The following RSU1 variants were observed in gnomAD, a reference collection of about 807,000 sequenced individuals.
The protein encoded by RSU1 is rsu-1.
RSU1 carries 26 observed loss-of-function variants against 31.1 expected under a neutral mutation model. That is an observed-to-expected ratio of 0.84 (90% confidence interval 0.61 to 1.16). RSU1 has a LOEUF of 1.16. Ranked by LOEUF, RSU1 falls within the 50% of genes most tolerant of loss-of-function variation. The pLI is 0.00. For missense variants in RSU1, 320 were observed against 339.1 expected, an observed-to-expected ratio of 0.94 and a Z score of 0.44; for synonymous variants, 164 against 136.3, an observed-to-expected ratio of 1.20 and a Z score of -1.41.
intron 7 of RSU1, among the ~76,000 whole-genome samples, chr10:16,719,901 T>C (rs1464788908): frequency 5.9e-5 from 9 of 152,240 alleles, no homozygotes; most frequent in African/African-American, 9.6e-5. Context: ...TCTGCATATA[T>C]ACACCAGAGG....
At chr10:16,670,292 C>T (rs925049297) in intron 8 of RSU1, among the ~76,000 whole-genome samples, 2 of 152,200 alleles carry the variant, frequency 1.3e-5, no homozygotes, top group African/African-American at 2.4e-5. Context: ...GAGCTTGCTA[C>T]ATAATCGTAC....
intron 8 of RSU1, among the ~76,000 whole-genome samples, chr10:16,618,511 A>G (rs147499046): frequency 2.0e-5 from 3 of 152,362 alleles, no homozygotes; most frequent in African/African-American, 4.8e-5. Flanking sequence ...ATTCTACTAT[A>G]AAGACACATG....
chr10:16,765,931 TA>T (rs1439735180), intron 3 of RSU1, among the ~76,000 whole-genome samples: 3 of 152,204 alleles, frequency 2.0e-5, no homozygotes, highest in Non-Finnish European at 2.9e-5. Flanking sequence ...AACATACATC[TA>T]AAATATTTAA....
intron 4 of RSU1, among the ~76,000 whole-genome samples, chr10:16,755,465 A>C (rs1419792738): frequency 6.6e-6 from 1 of 151,846 alleles, no homozygotes; most frequent in Non-Finnish European, 1.5e-5. Flanking sequence ...TAATATTTAC[A>C]ATGACAAAGA....
chr10:16,741,235 T>C (rs1193018443), intron 7 of RSU1, among the ~76,000 whole-genome samples: 1 of 152,188 alleles, frequency 6.6e-6, no homozygotes, highest in Non-Finnish European at 1.5e-5. Context: ...CTACACATGG[T>C]GCTGGAACAA....
intron 7 of RSU1, among the ~76,000 whole-genome samples, chr10:16,739,333 G>A (rs567746645): frequency 2.0e-5 from 3 of 152,172 alleles, no homozygotes; most frequent in South Asian, 2.1e-4. Context: ...CACCAAGAGT[G>A]TAAAAGTGTT....
chr10:16,788,139 G>A (rs1456789204), intron 2 of RSU1, among the ~76,000 whole-genome samples: 2 of 152,138 alleles, frequency 1.3e-5, no homozygotes, highest in Non-Finnish European at 2.9e-5. Flanking sequence ...TTATTAAATA[G>A]ATTCATAGAT....
At chr10:16,778,976 T>A (rs1312012606) in intron 3 of RSU1, among the ~76,000 whole-genome samples, 1 of 152,238 alleles carries the variant, frequency 6.6e-6, no homozygotes, top group African/African-American at 2.4e-5. Flanking sequence ...TGGGCCAGGA[T>A]GGCTTTGCAT....
At chr10:16,627,293 C>T (rs1181768139) in intron 8 of RSU1, among the ~76,000 whole-genome samples, 2 of 152,126 alleles carry the variant, frequency 1.3e-5, no homozygotes, top group Non-Finnish European at 2.9e-5. Flanking sequence ...TTTATTTCTT[C>T]ATTATGTTAT....
At chr10:16,637,351 A>G (rs1349526542) in intron 8 of RSU1, among the ~76,000 whole-genome samples, 7 of 152,224 alleles carry the variant, frequency 4.6e-5, no homozygotes, top group Non-Finnish European at 1.0e-4. Flanking sequence ...GGGGCCTGCC[A>G]TCTACCAACC....
At position 16,593,236 on chromosome 10, in the gene RSU1, A is replaced by G; in HGVS notation, c.*158T>C. The G allele has an allele frequency of 1.5e-6, 2 of 1,360,720 alleles. No homozygotes were observed. The highest frequency in any genetic ancestry group is 1.9e-6 in the Non-Finnish European group (2 of 1,029,070). The allele number at this position is 1,360,720 out of a possible 1,614,324, so 84.3% of individuals were successfully genotyped here. A position where few individuals can be genotyped will look rare whatever the true frequency, so the allele number is the denominator to read the frequency against. ...ATAACAATCTCCCACCTAGCAAAAG[A>G]ATCTAAAAGGTAAGGTGGGAAGCAT... On this transcript the variant is annotated 3_prime_UTR_variant, in exon 9 of 9. Coordinates refer to ENST00000345264, the MANE Select transcript of RSU1 (RefSeq NM_012425.4).
chr10:16,801,726 C>T (rs992955049), intron 2 of RSU1, among the ~76,000 whole-genome samples: 8 of 151,792 alleles, frequency 5.3e-5, no homozygotes, highest in African/African-American at 1.4e-4. Context: ...AGAAATCAAA[C>T]GAAAGATAGC....
At chr10:16,744,852 C>A (rs1315125013) in intron 7 of RSU1, among the ~76,000 whole-genome samples, 1 of 152,176 alleles carries the variant, frequency 6.6e-6, no homozygotes, top group African/African-American at 2.4e-5. Context: ...CATGCAGAAT[C>A]CCTTCATCTG....
Position 16,785,389 on chromosome 10 carries a change from ACT to A in RSU1, c.110-3307_110-3306del, listed in dbSNP as rs61277754. Among the ~76,000 whole-genome samples, 14 of 135,454 alleles carry A rather than the reference ACT, an allele frequency of 1.0e-4. 2 individuals carry two copies. In the East Asian group the frequency reaches 2.9e-3, roughly 28 times the overall value. 88.9% of individuals were successfully genotyped at this position (135,454 alleles called of 152,430 possible). ...TTAATACTACTTAATAAACTCATTC[ACT>A]CTCTCTCTATCTTTCTATATATATA... On this transcript the variant is annotated intron_variant, in intron 2 of 8. Coordinates refer to ENST00000345264, the MANE Select transcript of RSU1 (RefSeq NM_012425.4).
chr10:16,604,652 C>T (rs1833771254), intron 8 of RSU1, among the ~76,000 whole-genome samples: 1 of 152,130 alleles, frequency 6.6e-6, no homozygotes. Flanking sequence ...CAGGCGCTAC[C>T]CCCATTCCCA....
At chr10:16,780,257 T>C (rs1343685350) in intron 3 of RSU1, among the ~76,000 whole-genome samples, 1 of 152,126 alleles carries the variant, frequency 6.6e-6, no homozygotes, top group Non-Finnish European at 1.5e-5. Flanking sequence ...GAAATAAAGG[T>C]TTTGCTTTCT....
Position 16,695,163 on chromosome 10 carries a change from G to GGGC in RSU1, c.599-9_599-8insGCC. 1 of 1,472,938 alleles carries GGGC rather than the reference G, an allele frequency of 6.8e-7. No homozygotes were observed. The highest frequency in any genetic ancestry group is 1.2e-5 in the South Asian group (1 of 83,306). 91.2% of individuals were successfully genotyped at this position (1,472,938 alleles called of 1,614,324 possible). ...CAGTTAAATCCAAGTTTCCTGGGGGGGGGGAAAAAAAAAGTGAAGGTCACT... is the reference window on the plus strand; with the variant it reads ...CAGTTAAATCCAAGTTTCCTGGGGGGGGCGGGGAAAAAAAAAGTGAAGGTCACT... On this transcript the variant is annotated splice_polypyrimidine_tract_variant and intron_variant, in intron 7 of 8. Transcript: ENST00000345264.
intron 8 of RSU1, among the ~76,000 whole-genome samples, chr10:16,650,371 T>G (rs945687414): frequency 1.3e-5 from 2 of 152,144 alleles, no homozygotes; most frequent in African/African-American, 4.8e-5. Flanking sequence ...CTCCTCAAAA[T>G]AGCGCTGACC....
At position 16,631,397 on chromosome 10, in the gene RSU1, G is replaced by C. The variant is rs192210286; in HGVS notation, c.732-37901C>G. On this transcript the variant is annotated intron_variant, in intron 8 of 8. Coordinates refer to ENST00000345264, the MANE Select transcript of RSU1 (RefSeq NM_012425.4). ...ACATCTCAGAGAGTGCGCTTGTCCA[G>C]CGGTGGCCACCATCAGAACCTCGGC... Among the ~76,000 whole-genome samples the C allele has an allele frequency of 2.9e-3, 448 of 152,322 alleles. 3 individuals are homozygous for C. Among genetic ancestry groups the C allele is most frequent in the African/African-American group, 0.01 (435 of 41,574 alleles).
Sources: allele counts gnomAD v4.1 joint callset (sites outside exome capture counted in the v4.1 genomes callset), GRCh38; gene constraint gnomAD v4.1.1; transcripts MANE v1.5; gene names NCBI Gene and HGNC (gene_info 2026-07-23, HGNC 2026-07-21).